AGBL4: variants seen among roughly 807,000 people sequenced by gnomAD.
AGBL4 encodes the protein cytosolic carboxypeptidase 6.
Under a neutral mutation model 66.4 loss-of-function variants are expected in AGBL4, and 58 were observed. That is an observed-to-expected ratio of 0.87 (90% CI 0.71 to 1.09). AGBL4 has a LOEUF of 1.09. AGBL4 is among the 50% of genes least tolerant of loss of function. AGBL4 has a pLI of 0.00. For missense variants in AGBL4, 579 were observed against 631.0 expected (o/e 0.92, Z 0.88); for synonymous variants, 234 against 222.9 (o/e 1.05, Z -0.44).
At chr1:49,672,539 A>G (rs1201581193) in intron 3 of AGBL4, among the ~76,000 whole-genome samples, 2 of 152,006 alleles carry the variant, frequency 1.3e-5, no homozygotes, top group Non-Finnish European at 2.9e-5. Flanking sequence ...AGTAATTACA[A>G]GGAAAGAAAT....
At chr1:49,983,937 T>C (rs900795623) in intron 1 of AGBL4, among the ~76,000 whole-genome samples, 8 of 152,166 alleles carry the variant, frequency 5.3e-5, no homozygotes, top group East Asian at 1.9e-4. Context: ...ACAGGTCCAA[T>C]GTGGCTTGTT....
chr1:49,240,192 T>C (rs1038541029), intron 4 of AGBL4, among the ~76,000 whole-genome samples: 2 of 152,180 alleles, frequency 1.3e-5, no homozygotes, highest in African/African-American at 4.8e-5. Context: ...TAGGTGTACA[T>C]ACCTCTATCA....
intron 3 of AGBL4, among the ~76,000 whole-genome samples, chr1:49,468,685 A>G (rs1210308816): frequency 2.0e-5 from 3 of 151,706 alleles, no homozygotes; most frequent in Non-Finnish European, 4.4e-5. Context: ...TATGCTATGT[A>G]TTTCATCTTC....
chr1:49,744,982 A>G (rs756540947), intron 2 of AGBL4, among the ~76,000 whole-genome samples: 14 of 152,076 alleles, frequency 9.2e-5, no homozygotes, highest in Non-Finnish European at 1.8e-4. Flanking sequence ...GTATGATAGT[A>G]GTGAAGAAAT....
chr1:49,254,887 A>G (rs945486478), intron 3 of AGBL4, among the ~76,000 whole-genome samples: 4 of 152,146 alleles, frequency 2.6e-5, no homozygotes, highest in African/African-American at 9.7e-5. Context: ...ATCTTCAACA[A>G]ACCTGACAAA....
At chr1:49,779,566 TGAGGTCCCCCAATAAG>T (rs1644285695) in intron 2 of AGBL4, among the ~76,000 whole-genome samples, 1 of 152,122 alleles carries the variant, frequency 6.6e-6, no homozygotes, top group Admixed American at 6.6e-5. Context: ...CCACCGCAGC[TGAGGTCCCCCAATAAG>T]GAGGTCTCTG....
At chr1:49,847,859 G>A (rs996056290) in intron 2 of AGBL4, among the ~76,000 whole-genome samples, 20 of 151,992 alleles carry the variant, frequency 1.3e-4, no homozygotes, top group East Asian at 9.7e-4. Context: ...CCGCCACCTC[G>A]CCCGACTAAT....
chr1:48,885,136 C>T (rs981237620), intron 5 of AGBL4, among the ~76,000 whole-genome samples: 1 of 152,090 alleles, frequency 6.6e-6, no homozygotes, highest in Non-Finnish European at 1.5e-5. Flanking sequence ...GGTCTGTTTC[C>T]TGTTTTGTTT....
intron 11 of AGBL4, among the ~76,000 whole-genome samples, chr1:48,559,074 A>T (rs752583727): frequency 2.0e-5 from 3 of 152,162 alleles, no homozygotes; most frequent in Non-Finnish European, 4.4e-5. Flanking sequence ...TAGAATATTG[A>T]TTTTGGTCAC....
chr1:49,964,116 G>C (rs1657353209), intron 1 of AGBL4, among the ~76,000 whole-genome samples: 1 of 152,050 alleles, frequency 6.6e-6, no homozygotes, highest in African/African-American at 2.4e-5. Context: ...AACCAAGTAG[G>C]ATCTTGTGCG....
chr1:49,752,655 T>C (rs1651567481), intron 2 of AGBL4, among the ~76,000 whole-genome samples: 1 of 152,138 alleles, frequency 6.6e-6, no homozygotes, highest in Non-Finnish European at 1.5e-5. Flanking sequence ...CTGTCTGATA[T>C]TGACAGTGGG....
intron 3 of AGBL4, among the ~76,000 whole-genome samples, chr1:49,378,340 C>G (rs1483276218): frequency 1.3e-5 from 2 of 152,008 alleles, no homozygotes; most frequent in Non-Finnish European, 2.9e-5. Flanking sequence ...TAATCTATAT[C>G]CCACCTCTTA....
At chr1:48,933,977 C>T (rs1004988980) in intron 5 of AGBL4, among the ~76,000 whole-genome samples, 4 of 152,188 alleles carry the variant, frequency 2.6e-5, no homozygotes, top group African/African-American at 9.7e-5. Flanking sequence ...TGCCTCTCTC[C>T]CCAGGTTCCC....
At chr1:49,582,367 C>T (rs1308065682) in intron 3 of AGBL4, among the ~76,000 whole-genome samples, 1 of 152,090 alleles carries the variant, frequency 6.6e-6, no homozygotes, top group Non-Finnish European at 1.5e-5. Context: ...ACAGCCTTGG[C>T]CAGCAAGTGC....
intron 7 of AGBL4, among the ~76,000 whole-genome samples, 168 bp downstream of exon 7, chr1:48,662,984 C>T (rs1480191547): frequency 2.6e-5 from 4 of 152,202 alleles, no homozygotes; most frequent in Non-Finnish European, 5.9e-5. Context: ...AGTCAATAAA[C>T]ATTTATTGAA....
At chr1:49,287,261 T>A (rs1388880299) in intron 3 of AGBL4, among the ~76,000 whole-genome samples, 7 of 140,920 alleles carry the variant, frequency 5.0e-5, no homozygotes, top group African/African-American at 1.6e-4. Flanking sequence ...ATAAAAACCC[T>A]AGAAGAAAAC....
intron 2 of AGBL4, among the ~76,000 whole-genome samples, chr1:49,746,286 A>C (rs1233650228): frequency 6.6e-6 from 1 of 152,024 alleles, no homozygotes; most frequent in African/African-American, 2.4e-5. Context: ...ATTACAGATA[A>C]AGTAGAAAGA....
rs535847075 is a variant in AGBL4 at position 49,315,460 on chromosome 1, C to A, written c.283-69596G>T. Among the ~76,000 whole-genome samples the A allele has an allele frequency of 5.9e-5, 9 of 152,098 alleles. No individual in the cohort carries two copies. The East Asian group carries it at 1.4e-3, about 23-fold the overall frequency. On this transcript the variant is annotated intron_variant, in intron 3 of 13. Coordinates refer to ENST00000371839, the MANE Select transcript of AGBL4 (RefSeq NM_032785.4). The stretch of plus-strand genomic sequence containing the variant: ...ACTATCATCAGAGTGAACAGGCAAC[C>A]TACAGAATGGGAGAAAATTTTTGCA...
chr1:49,072,490 T>C (rs1644627190), intron 4 of AGBL4, among the ~76,000 whole-genome samples: 1 of 152,220 alleles, frequency 6.6e-6, no homozygotes, highest in Non-Finnish European at 1.5e-5. Context: ...TTATTTCTCC[T>C]TCACTTATGA....
Sources: gnomAD v4.1 joint callset for allele counts (sites outside exome capture counted in the v4.1 genomes callset) on GRCh38, gnomAD v4.1.1 for gene constraint, MANE v1.5 for transcripts, NCBI Gene and HGNC (gene_info 2026-07-23, HGNC 2026-07-21) for gene names.